PEBP4: variants seen among roughly 807,000 people sequenced by gnomAD.
PEBP4 encodes the protein phosphatidylethanolamine binding protein 4.
In PEBP4, 22 loss-of-function variants were observed where a neutral mutation model predicts 23.9. The observed-to-expected ratio is 0.92, with a 90% confidence interval of 0.66 to 1.31. The LOEUF is 1.31. Ranked by LOEUF, PEBP4 falls within the 40% of genes most tolerant of loss-of-function variation. PEBP4 has a pLI of 0.00. For missense variants in PEBP4, 324 were observed against 281.7 expected, an observed-to-expected ratio of 1.15 and a Z score of -1.07; for synonymous variants, 112 against 99.3, an observed-to-expected ratio of 1.13 and a Z score of -0.76.
chr8:22,864,489 T>C (rs893172890), intron 3 of PEBP4, among the ~76,000 whole-genome samples: 1 of 152,122 alleles, frequency 6.6e-6, no homozygotes, highest in African/African-American at 2.4e-5. Flanking sequence ...CAATAGACCA[T>C]AGGAGACGAG....
rs375138605 is a variant in PEBP4, at chr8:22,888,300, C to A, written c.258+31884G>T. Reference sequence around the variant, plus strand: ...TCCTGAGTAGCTGGGATTACAGGCTCGTGCCACCAAGCCCAGCTGATTTTT... The same window carrying A: ...TCCTGAGTAGCTGGGATTACAGGCTAGTGCCACCAAGCCCAGCTGATTTTT... On this transcript the variant is annotated intron_variant, in intron 3 of 6. Coordinates refer to ENST00000256404, the MANE Select transcript of PEBP4 (RefSeq NM_144962.3). Among the ~76,000 whole-genome samples, 25 of 152,108 alleles carry A rather than the reference C, an allele frequency of 1.6e-4. No individual in the cohort carries two copies. The South Asian group carries it at 3.5e-3, about 21-fold the overall frequency.
At chr8:22,917,583 C>G (rs977261629) in intron 3 of PEBP4, among the ~76,000 whole-genome samples, 2 of 152,206 alleles carry the variant, frequency 1.3e-5, no homozygotes, top group African/African-American at 4.8e-5. Context: ...CTGGCTCTGG[C>G]ACCTTTCAGC....
intron 6 of PEBP4, among the ~76,000 whole-genome samples, chr8:22,720,486 A>G (rs1262406211): frequency 6.6e-6 from 1 of 152,224 alleles, no homozygotes; most frequent in African/African-American, 2.4e-5. Flanking sequence ...TGCCGCACAC[A>G]AGGGCAATGG....
chr8:22,878,258 C>A (rs879431202), intron 3 of PEBP4: 1 of 138,192 alleles, frequency 7.2e-6, no homozygotes, highest in Non-Finnish European at 1.6e-5. Context: ...GGGGCGGAAT[C>A]CCTGGAATTT....
chr8:22,930,437 C>T (rs1006052821), upstream of PEBP4, among the ~76,000 whole-genome samples: 1 of 152,038 alleles, frequency 6.6e-6, no homozygotes, highest in Admixed American at 6.6e-5. Context: ...TCCTCATCCC[C>T]CCAGCCTATA....
chr8:22,793,894 T>A (rs1806190604), intron 4 of PEBP4, among the ~76,000 whole-genome samples: 1 of 151,960 alleles, frequency 6.6e-6, no homozygotes, highest in Non-Finnish European at 1.5e-5. Context: ...TGCAAAAGGG[T>A]TTTTAACAAT....
At chr8:22,929,915 AG>A (rs1809428443), upstream of PEBP4, among the ~76,000 whole-genome samples, 1 of 152,202 alleles carries the variant, frequency 6.6e-6, no homozygotes, top group Non-Finnish European at 1.5e-5. Context: ...ATTGTTGCCC[AG>A]GCTGGTCTCG....
intron 3 of PEBP4, among the ~76,000 whole-genome samples, chr8:22,822,122 C>T (rs904464123): frequency 6.6e-6 from 1 of 151,988 alleles, no homozygotes; most frequent in Non-Finnish European, 1.5e-5. Context: ...AGATGAGGGC[C>T]ACAAAGTGAT....
intron 4 of PEBP4, among the ~76,000 whole-genome samples, chr8:22,795,469 C>T (rs930862506): frequency 3.9e-5 from 6 of 152,234 alleles, no homozygotes; most frequent in African/African-American, 1.4e-4. Flanking sequence ...ACCACTGCTC[C>T]CGGCCTAATT....
At chr8:22,800,186 C>T (rs1384279363) in intron 4 of PEBP4, among the ~76,000 whole-genome samples, 2 of 152,026 alleles carry the variant, frequency 1.3e-5, no homozygotes, top group Non-Finnish European at 2.9e-5. Context: ...GTAGTCTGAC[C>T]TAAACAATGC....
intron 4 of PEBP4, 133 bp downstream of exon 4, chr8:22,817,504 C>G: frequency 2.5e-6 from 2 of 804,658 alleles, no homozygotes; most frequent in East Asian, 5.1e-5. Flanking sequence ...GCTTTGATAG[C>G]TGAGCACTGG....
At chr8:22,906,424 A>T (rs958472114) in intron 3 of PEBP4, among the ~76,000 whole-genome samples, 1 of 152,210 alleles carries the variant, frequency 6.6e-6, no homozygotes, top group Non-Finnish European at 1.5e-5. Flanking sequence ...CCATGTGTCC[A>T]GCCTTGTAAT....
rs1218661113 is a variant in PEBP4 at position 22,865,298 on chromosome 8, G to A, written c.259-47563C>T. ...TTGCTCAGGGCAGCCCGGGAAGAGC[G>A]GCGGGCGGATGGGAATTACCCCGGG... On this transcript the variant is annotated intron_variant, in intron 3 of 6. Coordinates refer to ENST00000256404, the MANE Select transcript of PEBP4 (RefSeq NM_144962.3). The surrounding 1 kb of genome is among the most constrained non-coding windows in gnomAD (Gnocchi z 6.9). 6.6e-6 allele frequency among the ~76,000 whole-genome samples: 1 copy of A among 151,902 alleles called. No homozygotes were observed. The highest frequency in any genetic ancestry group is 2.4e-5 in the African/African-American group (1 of 41,372).
intron 4 of PEBP4, among the ~76,000 whole-genome samples, chr8:22,800,921 C>T (rs900378474): frequency 6.6e-6 from 1 of 152,034 alleles, no homozygotes; most frequent in Non-Finnish European, 1.5e-5. Context: ...AATATATGCC[C>T]CCCTTTTCTT....
At chr8:22,924,963 G>A (rs1809292792) in intron 2 of PEBP4, 1 of 985,228 alleles carries the variant, frequency 1.0e-6, no homozygotes, top group Non-Finnish European at 1.2e-6. Flanking sequence ...ATCTTTAAGA[G>A]TTCCCTGGTA....
At position 22,861,346 on chromosome 8, in the gene PEBP4, T is replaced by C. The variant is rs539031251; in HGVS notation, c.259-43611A>G. Among the ~76,000 whole-genome samples the C allele has an allele frequency of 5.9e-5, 9 of 152,348 alleles. No homozygotes were observed. In the South Asian group the frequency reaches 8.3e-4, roughly 14 times the overall value. On this transcript the variant is annotated intron_variant, in intron 3 of 6. Coordinates refer to ENST00000256404, the MANE Select transcript of PEBP4 (RefSeq NM_144962.3). ...TACCAGACTTCCCAAGTGCTTTCCA[T>C]AGACTAATTGAATCCTCACAACAAG...
chr8:22,775,096 C>T lies in PEBP4; in HGVS notation c.357+42541G>A, dbSNP rs1396629865. ...TTAAGTTAGCCATGTGATACATTTTCCGTTGCCTCTCTGGCATCAGTTTCC... is the reference window on the plus strand; with the variant it reads ...TTAAGTTAGCCATGTGATACATTTTTCGTTGCCTCTCTGGCATCAGTTTCC... On this transcript the variant is annotated intron_variant, in intron 4 of 6. Transcript: ENST00000256404. The surrounding 1 kb of genome is among the most constrained non-coding windows in gnomAD (Gnocchi z 4.8). Among the ~76,000 whole-genome samples the T allele has an allele frequency of 6.6e-6, 1 of 152,212 alleles. No individual in the cohort carries two copies.
intron 3 of PEBP4, among the ~76,000 whole-genome samples, chr8:22,851,441 G>A (rs1216330418): frequency 6.6e-6 from 1 of 152,172 alleles, no homozygotes; most frequent in Non-Finnish European, 1.5e-5. Flanking sequence ...ACACACTTGG[G>A]ATTTTGGAAC....
Position 22,927,873 on chromosome 8 carries a change from T to G in PEBP4, c.-57A>C, listed in dbSNP as rs2466225. ...CAGGCAGCTTCCAGGGCTCCGCAGC[T>G]AATCCAGTCCACCACCCGGACACAA... On this transcript the variant is annotated 5_prime_UTR_variant, in exon 1 of 7. Coordinates refer to ENST00000256404, the MANE Select transcript of PEBP4 (RefSeq NM_144962.3). 0.44 allele frequency: 357,763 copies of G among 808,398 alleles called. 83,040 individuals are homozygous for G. Among genetic ancestry groups the G allele is most frequent in the East Asian group, 0.63 (21,593 of 34,026 alleles). The allele number at this position is 808,398 out of a possible 1,614,324, so 50.1% of individuals were successfully genotyped here.
Sources: gnomAD v4.1 joint callset for allele counts (sites outside exome capture counted in the v4.1 genomes callset) on GRCh38, gnomAD v4.1.1 for gene constraint, Gnocchi (gnomAD v3.1) non-coding constraint, MANE v1.5 for transcripts, NCBI Gene and HGNC (gene_info 2026-07-23, HGNC 2026-07-21) for gene names.